Variants in EPG5 observed in about 807,000 individuals in gnomAD.
EPG5 encodes the protein ectopic P-granules 5 autophagy tethering factor.
EPG5 carries 159 observed loss-of-function variants against 302.7 expected under a neutral mutation model. The observed-to-expected ratio is 0.53, with a 90% confidence interval of 0.46 to 0.60. EPG5 has a LOEUF of 0.60. Among genes scored for constraint, EPG5 ranks in the 20% least tolerant of loss-of-function variants. The pLI is 0.00. For synonymous variants in EPG5, 1,158 were observed against 1,136.8 expected, an observed-to-expected ratio of 1.02 and a Z score of -0.37; for missense variants, 2,896 against 3,092.4, an observed-to-expected ratio of 0.94 and a Z score of 1.51.
At chr18:45,819,926 C>T in the EPG5 span, among the ~76,000 whole-genome samples, 13 of 152,130 alleles carry the variant, frequency 8.5e-5, no homozygotes, top group Admixed American at 3.9e-4. Context: ...TATATCACTC[C>T]GTCTTTCTTG....
the EPG5 span, among the ~76,000 whole-genome samples, chr18:45,808,428 A>C: frequency 2.6e-4 from 39 of 152,234 alleles, no homozygotes. Context: ...CGTTGTCAAC[A>C]GGTTATGTAA....
chr18:45,925,838 G>C lies in EPG5; in HGVS notation c.2618C>G (p.Ala873Gly). The part of the protein sequence containing the change: ...YLWQPSASEI[A>G]VIRDWLLNYN... ...ATTCAATAACCAATCCCGAATCACC[G>C]CTATCTCAGATGCAGAAGGTTGCCA... The change falls in exon 14 of 44, where the codon GCG (alanine) becomes GGG (glycine). Residue 873 changes from alanine (A) to glycine (G), a missense_variant. Ala to Gly is a moderately conservative substitution (Grantham distance 60, BLOSUM62 0). Around this residue, in one of 5 missense-constraint regions of EPG5, gnomAD observed 1,390 missense variants for 1,430.0 expected, o/e 0.97. Coordinates refer to ENST00000282041, the MANE Select transcript of EPG5 (RefSeq NM_020964.3). The C allele has an allele frequency of 7.0e-6, 11 of 1,580,210 alleles. No homozygotes were observed. Among genetic ancestry groups the C allele is most frequent in the Non-Finnish European group, 9.4e-6 (11 of 1,165,254 alleles).
Position 45,913,772 on chromosome 18 carries a change from C to G in EPG5, c.3750G>C (p.Gln1250His), listed in dbSNP as rs1255916696. 2 of 1,614,026 alleles carry G rather than the reference C, an allele frequency of 1.2e-6. No individual in the cohort carries two copies. The highest frequency in any genetic ancestry group is 2.7e-5 in the African/African-American group (2 of 74,916). The change falls in exon 21 of 44, where the codon CAG (glutamine) becomes CAC (histidine). Residue 1250 changes from glutamine to histidine, a missense_variant. Around this residue, in one of 5 missense-constraint regions of EPG5, gnomAD observed 64 missense variants for 101.8 expected, o/e 0.63. Transcript: ENST00000282041. ...ATTCCCCTTCAATAACTCTCCGGAG[C>G]TGGGAGTCCTCTTCAAAGATGGATT... is the stretch of plus-strand genomic sequence containing the variant. ...NMESIFEEDSQLRRVIEGELV... is the reference protein window; with the variant it reads ...NMESIFEEDSHLRRVIEGELV...
At chr18:45,932,143 A>G (rs1179061983) in intron 11 of EPG5, among the ~76,000 whole-genome samples, 2 of 152,080 alleles carry the variant, frequency 1.3e-5, no homozygotes, top group Admixed American at 1.3e-4. Context: ...TTTAAAAAGA[A>G]AAAAAAGAAT....
intron 38 of EPG5, among the ~76,000 whole-genome samples, chr18:45,866,112 G>C (rs1339986259): frequency 6.7e-6 from 1 of 149,560 alleles, no homozygotes; most frequent in Admixed American, 6.8e-5. Flanking sequence ...TTTGAGACAA[G>C]GTACTATTTC....
the EPG5 span, among the ~76,000 whole-genome samples, chr18:45,809,510 A>T: frequency 1.3e-5 from 2 of 152,230 alleles, no homozygotes; most frequent in African/African-American, 4.8e-5. Context: ...AATGGAAATC[A>T]TATCAAGCAC....
At chr18:45,804,733 G>T in the EPG5 span, among the ~76,000 whole-genome samples, 3 of 152,106 alleles carry the variant, frequency 2.0e-5, no homozygotes, top group African/African-American at 7.2e-5. Flanking sequence ...GCTAAAGAAA[G>T]TTCTTTATCT....
At chr18:45,955,972 T>C (rs1001086765) in intron 1 of EPG5, among the ~76,000 whole-genome samples, 4 of 151,984 alleles carry the variant, frequency 2.6e-5, no homozygotes, top group African/African-American at 9.7e-5. Flanking sequence ...CTGCCACAGG[T>C]AAGATCTACC....
intron 6 of EPG5, 54 bp downstream of exon 6, chr18:45,948,449 T>C: frequency 7.1e-7 from 1 of 1,416,828 alleles, no homozygotes; most frequent in Non-Finnish European, 1.0e-6. Context: ...GAGCCAATCC[T>C]TTAGAAGAAA....
At chr18:45,888,051 A>G (rs1418313634) in intron 28 of EPG5, 144 bp from the exon 29 acceptor site, 1 of 589,228 alleles carries the variant, frequency 1.7e-6, no homozygotes, top group Non-Finnish European at 2.7e-6. Context: ...GAAATATTTC[A>G]TGGAGTAAAT....
intron 27 of EPG5, 118 bp downstream of exon 27, chr18:45,899,276 TGCAAAACTAG>T: frequency 8.9e-7 from 1 of 1,122,060 alleles, no homozygotes. Context: ...TTTCATGCCC[TGCAAAACTAG>T]TAAATGTTTG....
chr18:45,847,345 C>T (rs1213416562), downstream of EPG5, among the ~76,000 whole-genome samples: 2 of 152,168 alleles, frequency 1.3e-5, no homozygotes, highest in East Asian at 1.9e-4. Context: ...TATGGCCCTG[C>T]TCTTACCAAG....
intron 27 of EPG5, among the ~76,000 whole-genome samples, chr18:45,893,829 A>G (rs1473507328): frequency 3.3e-5 from 5 of 152,196 alleles, no homozygotes; most frequent in African/African-American, 1.2e-4. Context: ...CAAGGAATGA[A>G]CTGTTAATTT....
the EPG5 span, among the ~76,000 whole-genome samples, chr18:45,817,089 A>G: frequency 6.6e-6 from 1 of 152,180 alleles, no homozygotes; most frequent in Admixed American, 6.5e-5. Context: ...CTTAATAACT[A>G]CACAATGAAT....
At chr18:45,801,144 C>A in the EPG5 span, among the ~76,000 whole-genome samples, 1 of 152,108 alleles carries the variant, frequency 6.6e-6, no homozygotes, top group Non-Finnish European at 1.5e-5. Flanking sequence ...TCAAGCAGTT[C>A]TCCTGCCTTA....
In EPG5 at chr18:45,923,769, C is replaced by T. The variant is rs144176929; in HGVS notation, c.2719-382G>A. ...ACTGTCTAGGCGTGGTGGTTCATGC[C>T]TGTAATCCCAGCACTTTGGGAAGCC... On this transcript the variant is annotated intron_variant, in intron 14 of 43. Coordinates refer to ENST00000282041, the MANE Select transcript of EPG5 (RefSeq NM_020964.3). Among the ~76,000 whole-genome samples the T allele has an allele frequency of 1.6e-4, 25 of 152,312 alleles. No individual in the cohort carries two copies. The East Asian group carries it at 4.6e-3, about 28-fold the overall frequency.
intron 22 of EPG5, among the ~76,000 whole-genome samples, chr18:45,911,809 G>GT (rs1428151198): frequency 6.6e-6 from 1 of 152,192 alleles, no homozygotes; most frequent in Non-Finnish European, 1.5e-5. Flanking sequence ...GCAATGGTTC[G>GT]TAATAGTGGA....
chr18:45,829,844 G>A, the EPG5 span, among the ~76,000 whole-genome samples: 8 of 152,216 alleles, frequency 5.3e-5, no homozygotes, highest in African/African-American at 1.9e-4. Flanking sequence ...CTGCCCACTT[G>A]GTTCCATCCT....
At chr18:45,875,222 T>C (rs915634607) in intron 35 of EPG5, among the ~76,000 whole-genome samples, 23 of 152,172 alleles carry the variant, frequency 1.5e-4, no homozygotes, top group African/African-American at 5.1e-4. Context: ...TTCCCATCAG[T>C]CTCTCTAAAT....
Sources: allele counts gnomAD v4.1 joint callset (sites outside exome capture counted in the v4.1 genomes callset), GRCh38; gene constraint gnomAD v4.1.1; regional missense constraint gnomAD v4.1.1; transcripts MANE v1.5; gene names NCBI Gene and HGNC (gene_info 2026-07-23, HGNC 2026-07-21).